KLF12: variants seen among roughly 807,000 people sequenced by gnomAD.
KLF12 encodes the protein Krueppel-like factor 12.
A neutral mutation model predicts 37.8 loss-of-function variants in KLF12; 9 were observed. That is an observed-to-expected ratio of 0.24 (90% confidence interval 0.14 to 0.42). The LOEUF is 0.42. Ranked by LOEUF, KLF12 falls within the 10% of genes least tolerant of loss-of-function variation. KLF12 has a pLI of 1.00. For missense variants in KLF12, 411 were observed against 516.0 expected, an observed-to-expected ratio of 0.80 and a Z score of 1.97; for synonymous variants, 208 against 202.1, an observed-to-expected ratio of 1.03 and a Z score of -0.25.
chr13:73,815,013 C>T (rs928303961), intron 4 of KLF12, among the ~76,000 whole-genome samples: 4 of 151,320 alleles, frequency 2.6e-5, no homozygotes, highest in South Asian at 2.1e-4. Context: ...TTGTCACATA[C>T]CAGATTATCC....
intron 1 of KLF12, among the ~76,000 whole-genome samples, chr13:74,127,757 T>C (rs1006116522): frequency 1.3e-5 from 2 of 152,230 alleles, no homozygotes; most frequent in Admixed American, 6.5e-5. Context: ...ATTATCTACC[T>C]TTATTGTGCA....
At chr13:74,135,547 G>A (rs528090156), upstream of KLF12, among the ~76,000 whole-genome samples, 2 of 151,300 alleles carry the variant, frequency 1.3e-5, no homozygotes, top group Admixed American at 6.6e-5. Flanking sequence ...GGTCAGCGCC[G>A]AGCCGGAGGG....
chr13:74,165,014 A>G, the KLF12 span, among the ~76,000 whole-genome samples: 32 of 152,204 alleles, frequency 2.1e-4, no homozygotes, highest in African/African-American at 7.2e-4. Context: ...TACAGTCAAC[A>G]ATAATTTACT....
At chr13:73,871,414 T>G (rs936117992) in intron 3 of KLF12, among the ~76,000 whole-genome samples, 1 of 152,154 alleles carries the variant, frequency 6.6e-6, no homozygotes, top group South Asian at 2.1e-4. Flanking sequence ...TCCTGTACCA[T>G]ACACTAACTG....
At chr13:73,842,443 G>A (rs1884787735) in intron 4 of KLF12, among the ~76,000 whole-genome samples, 1 of 152,300 alleles carries the variant, frequency 6.6e-6, no homozygotes, top group Admixed American at 6.5e-5. Flanking sequence ...AACAACATCT[G>A]CTTTGCCCAA....
At chr13:73,900,164 T>C (rs1018001510) in intron 3 of KLF12, among the ~76,000 whole-genome samples, 8 of 152,152 alleles carry the variant, frequency 5.3e-5, no homozygotes, top group African/African-American at 1.9e-4. Context: ...CAAGTTCAGG[T>C]TATTCAATAA....
At chr13:73,967,822 C>T (rs1891214058) in intron 2 of KLF12, among the ~76,000 whole-genome samples, 1 of 152,108 alleles carries the variant, frequency 6.6e-6, no homozygotes, top group African/African-American at 2.4e-5. Context: ...TTAACTTTTT[C>T]CTGATGACTC....
rs141422364 is a variant in KLF12 at position 73,809,472 on chromosome 13, C to T, written c.806+3680G>A. On this transcript the variant is annotated intron_variant, in intron 5 of 7. Transcript: ENST00000377669. ...GCAGAAAGAGAAGTTCGCAATTGTGCACACTGAAAGTTAACTTTGACTAAA... is the reference window on the plus strand; with the variant it reads ...GCAGAAAGAGAAGTTCGCAATTGTGTACACTGAAAGTTAACTTTGACTAAA... 3.5e-3 allele frequency among the ~76,000 whole-genome samples: 354 copies of T among 101,420 alleles called. 6 individuals are homozygous for T. In the East Asian group the frequency reaches 0.049, roughly 14 times the overall value. 66.5% of individuals were successfully genotyped at this position (101,420 alleles called of 152,430 possible). A position where few individuals can be genotyped will look rare whatever the true frequency, so the allele number is the denominator to read the frequency against.
intron 2 of KLF12, among the ~76,000 whole-genome samples, chr13:73,961,562 G>T (rs1342734579): frequency 6.6e-6 from 1 of 152,098 alleles, no homozygotes; most frequent in East Asian, 1.9e-4. Flanking sequence ...GACTCAGAGT[G>T]GACAACTCTA....
the KLF12 span, among the ~76,000 whole-genome samples, chr13:74,269,209 G>A: frequency 6.6e-6 from 1 of 152,028 alleles, no homozygotes; most frequent in Admixed American, 6.6e-5. Context: ...ATGAAGGAGT[G>A]GGGAAGGCAT....
chr13:73,731,081 A>G (rs572697230), intron 6 of KLF12, among the ~76,000 whole-genome samples: 1 of 152,272 alleles, frequency 6.6e-6, no homozygotes, highest in South Asian at 2.1e-4. Context: ...CCTGAACCAA[A>G]GTAGTGTCTT....
At chr13:73,807,503 T>C (rs1882709780) in intron 5 of KLF12, among the ~76,000 whole-genome samples, 1 of 152,142 alleles carries the variant, frequency 6.6e-6, no homozygotes. Context: ...ATAAGCCATA[T>C]AATAATAAAA....
At chr13:74,026,008 C>G (rs116683574) in intron 1 of KLF12, among the ~76,000 whole-genome samples, 1,761 of 152,172 alleles carry the variant, frequency 0.012, 52 homozygotes, top group African/African-American at 0.04. Flanking sequence ...TTTGGGTACC[C>G]TAACTCACAA....
chr13:73,695,725 A>T, intron 7 of KLF12, 54 bp from the exon 8 acceptor site: 1 of 1,541,480 alleles, frequency 6.5e-7, no homozygotes, highest in Non-Finnish European at 8.9e-7. Flanking sequence ...ACTTTGCCAT[A>T]ACCAGGCCAG....
chr13:73,777,038 G>T (rs1443121870), intron 5 of KLF12, among the ~76,000 whole-genome samples: 1 of 152,136 alleles, frequency 6.6e-6, no homozygotes, highest in Non-Finnish European at 1.5e-5. Flanking sequence ...GCAAACAGAA[G>T]AAGAGTTGGA....
the KLF12 span, among the ~76,000 whole-genome samples, chr13:74,282,759 G>A: frequency 6.6e-6 from 1 of 152,138 alleles, no homozygotes; most frequent in African/African-American, 2.4e-5. Flanking sequence ...AAATAGGGAT[G>A]GGTCTCAGAG....
intron 2 of KLF12, among the ~76,000 whole-genome samples, chr13:73,956,894 T>G (rs1335412905): frequency 9.4e-5 from 14 of 148,204 alleles, no homozygotes. Context: ...TGCACTCCAG[T>G]CTGGGCAACA....
intron 6 of KLF12, among the ~76,000 whole-genome samples, chr13:73,735,211 C>T (rs1446627219): frequency 6.0e-5 from 9 of 150,576 alleles, no homozygotes; most frequent in Non-Finnish European, 1.2e-4. Context: ...GCAGGAAGGT[C>T]GTTTGAGCCC....
intron 1 of KLF12, among the ~76,000 whole-genome samples, chr13:74,053,565 A>G (rs562272295): frequency 3.6e-4 from 55 of 152,280 alleles, no homozygotes; most frequent in Non-Finnish European, 6.5e-4. Flanking sequence ...TTAAGCAAGC[A>G]CTGGAACAGG....
Sources: allele counts gnomAD v4.1 joint callset (sites outside exome capture counted in the v4.1 genomes callset), GRCh38; gene constraint gnomAD v4.1.1; transcripts MANE v1.5; gene names NCBI Gene and HGNC (gene_info 2026-07-23, HGNC 2026-07-21).